Variants in GNG2 observed in about 807,000 individuals in gnomAD.
The protein encoded by GNG2 is G protein subunit gamma 2.
In GNG2, 5 loss-of-function variants were observed where a neutral mutation model predicts 5.5. That is an observed-to-expected ratio of 0.91 (90% CI 0.48 to 1.92). The LOEUF is 1.92. Among genes scored for constraint, GNG2 ranks in the 30% most tolerant of loss-of-function variants. GNG2 has a pLI of 0.01. For synonymous variants in GNG2, 28 were observed against 32.0 expected (o/e 0.88, Z 0.42); for missense variants, 55 against 88.4 (o/e 0.62, Z 1.52).
rs1009604675 is a variant in GNG2, at chr14:51,966,982, A to T, written c.*295A>T. On this transcript the variant is annotated 3_prime_UTR_variant, in exon 4 of 4. Transcript: ENST00000556766. ...CCCCAGCCCCCCCCCCAAAATCCTC[A>T]TGTTTCTGCTTCATATTTTGAAAAA... The T allele has an allele frequency of 5.1e-5, 6 of 117,084 alleles. No individual in the cohort carries two copies. Among genetic ancestry groups the T allele is most frequent in the South Asian group, 4.4e-4 (2 of 4,546 alleles). 7.3% of individuals were successfully genotyped at this position (117,084 alleles called of 1,614,324 possible). A position where few individuals can be genotyped will look rare whatever the true frequency, so the allele number is the denominator to read the frequency against.
intron 2 of GNG2, among the ~76,000 whole-genome samples, chr14:51,894,258 C>CA (rs1220946883): frequency 1.3e-5 from 2 of 152,024 alleles, no homozygotes; most frequent in Non-Finnish European, 2.9e-5. Context: ...TTTTAAAGTG[C>CA]ATTTCTCGAT....
chr14:51,867,243 C>T (rs1594853467), intron 1 of GNG2, among the ~76,000 whole-genome samples: 1 of 152,216 alleles, frequency 6.6e-6, no homozygotes, highest in Non-Finnish European at 1.5e-5. Context: ...TGATTTTAGT[C>T]ACTGTTGCTG....
chr14:51,877,362 TCTTG>T (rs1175852841), intron 1 of GNG2, among the ~76,000 whole-genome samples: 1 of 152,210 alleles, frequency 6.6e-6, no homozygotes, highest in African/African-American at 2.4e-5. Flanking sequence ...TTTCATGTTT[TCTTG>T]CATGCTAGGA....
intron 2 of GNG2, among the ~76,000 whole-genome samples, chr14:51,932,989 A>C (rs1199731282): frequency 1.3e-5 from 2 of 152,216 alleles, no homozygotes; most frequent in African/African-American, 2.4e-5. Flanking sequence ...ACGTGACCAC[A>C]GAAGCAGAGA....
At chr14:51,854,477 G>T (rs893366941) in intron 2 of GNG2, among the ~76,000 whole-genome samples, 2 of 151,878 alleles carry the variant, frequency 1.3e-5, no homozygotes, top group Admixed American at 1.3e-4. Context: ...TCCACAGCAA[G>T]GCCTCCATGG....
chr14:51,891,500 A>T (rs1884852294), intron 2 of GNG2, among the ~76,000 whole-genome samples: 1 of 152,208 alleles, frequency 6.6e-6, no homozygotes, highest in African/African-American at 2.4e-5. Context: ...AAACCCACAT[A>T]CATTCCCCAT....
chr14:51,841,670 G>C (rs1159687874), intron 2 of GNG2: 1 of 632,326 alleles, frequency 1.6e-6, no homozygotes, highest in Admixed American at 2.6e-5. Context: ...AAAGGGAAGG[G>C]TAGGATGGAG....
At chr14:51,934,433 A>C (rs1374614638) in intron 2 of GNG2, among the ~76,000 whole-genome samples, 1 of 152,234 alleles carries the variant, frequency 6.6e-6, no homozygotes, top group African/African-American at 2.4e-5. Flanking sequence ...AGAGAGTCCC[A>C]GAGCTGTGGA....
intron 2 of GNG2, among the ~76,000 whole-genome samples, chr14:51,919,212 TATTA>T (rs941819094): frequency 6.6e-6 from 1 of 152,218 alleles, no homozygotes; most frequent in Non-Finnish European, 1.5e-5. Flanking sequence ...ATTTAAACTC[TATTA>T]ATTCACACTT....
At chr14:51,936,880 C>G (rs1028260926) in intron 2 of GNG2, among the ~76,000 whole-genome samples, 7 of 152,146 alleles carry the variant, frequency 4.6e-5, no homozygotes, top group Admixed American at 4.6e-4. Flanking sequence ...CTTGATAAAA[C>G]TGACTTTAAA....
chr14:51,875,939 A>ATTTTTTTTTT (rs745510243), intron 1 of GNG2, among the ~76,000 whole-genome samples: 1 of 83,640 alleles, frequency 1.2e-5, no homozygotes, highest in Non-Finnish European at 2.4e-5. Context: ...TCATTTAAAC[A>ATTTTTTTTTT]TTTTTTTCTT....
intron 1 of GNG2, among the ~76,000 whole-genome samples, chr14:51,865,391 A>G (rs1882808075): frequency 6.6e-6 from 1 of 152,136 alleles, no homozygotes; most frequent in South Asian, 2.1e-4. Flanking sequence ...CAATGTATAC[A>G]TGTATCAAAA....
chr14:51,830,745 G>A (rs12147492), intron 2 of GNG2, among the ~76,000 whole-genome samples: 33,920 of 152,042 alleles, frequency 0.22, 4,243 homozygotes, highest in African/African-American at 0.33. Flanking sequence ...TACTGAGATA[G>A]CTTCTTAATA....
chr14:51,877,182 C>T (rs1207622833), intron 1 of GNG2, among the ~76,000 whole-genome samples: 2 of 152,214 alleles, frequency 1.3e-5, no homozygotes, highest in Non-Finnish European at 2.9e-5. Flanking sequence ...TGCACTCAAA[C>T]TCTGTCCCTA....
intron 2 of GNG2, among the ~76,000 whole-genome samples, chr14:51,895,671 A>C (rs1462808178): frequency 6.6e-6 from 1 of 152,226 alleles, no homozygotes; most frequent in Non-Finnish European, 1.5e-5. Context: ...CATTTGGAAA[A>C]GCTAGAGAAA....
intron 2 of GNG2, among the ~76,000 whole-genome samples, chr14:51,947,563 A>G (rs1319485168): frequency 6.6e-6 from 1 of 152,090 alleles, no homozygotes; most frequent in African/African-American, 2.4e-5. Context: ...AAATGAAAGA[A>G]AGTGAACTCT....
At chr14:51,897,026 T>A (rs1885236606) in intron 2 of GNG2, among the ~76,000 whole-genome samples, 1 of 152,174 alleles carries the variant, frequency 6.6e-6, no homozygotes, top group Non-Finnish European at 1.5e-5. Flanking sequence ...AAGGAACAAG[T>A]GAATAATGCT....
At chr14:51,910,182 G>T (rs1158592519) in intron 2 of GNG2, among the ~76,000 whole-genome samples, 3 of 152,214 alleles carry the variant, frequency 2.0e-5, no homozygotes, top group African/African-American at 7.2e-5. Context: ...GAAATTAGCA[G>T]TATTCCAGGA....
At chr14:51,851,346 A>C (rs1881900158) in intron 2 of GNG2, among the ~76,000 whole-genome samples, 1 of 152,224 alleles carries the variant, frequency 6.6e-6, no homozygotes, top group Non-Finnish European at 1.5e-5. Flanking sequence ...TGATCATAAG[A>C]TGCACTTCGT....
Sources: gnomAD v4.1 joint callset for allele counts (sites outside exome capture counted in the v4.1 genomes callset) on GRCh38, gnomAD v4.1.1 for gene constraint, MANE v1.5 for transcripts, NCBI Gene and HGNC (gene_info 2026-07-23, HGNC 2026-07-21) for gene names.